The following PTPN2 variants were observed in gnomAD, a reference collection of about 807,000 sequenced individuals.
PTPN2 encodes the protein protein tyrosine phosphatase non-receptor type 2.
Under a neutral mutation model 57.3 loss-of-function variants are expected in PTPN2, and 19 were observed. That is an observed-to-expected ratio of 0.33 (90% confidence interval 0.23 to 0.49). The LOEUF is 0.49. Ranked by LOEUF, PTPN2 falls within the 20% of genes least tolerant of loss-of-function variation. PTPN2 has a pLI of 0.99. For synonymous variants in PTPN2, 153 were observed against 164.9 expected, an observed-to-expected ratio of 0.93 and a Z score of 0.55; for missense variants, 358 against 501.1, an observed-to-expected ratio of 0.71 and a Z score of 2.73.
rs1425876843 is a variant in PTPN2 at position 12,852,257 on chromosome 18, A to AT, written c.160+6906dup. Among the ~76,000 whole-genome samples, 12 of 148,854 alleles carry AT rather than the reference A, an allele frequency of 8.1e-5. No individual in the cohort carries two copies. In the Admixed American group the frequency reaches 8.2e-4, roughly 10 times the overall value. ...ATTGTTTCATGGCCAGTGAAAAGAC[A>AT]TGACAGTTGACTCAATTGCTGGCAC... On this transcript the variant is annotated intron_variant, in intron 2 of 8. Coordinates refer to ENST00000309660, the MANE Select transcript of PTPN2 (RefSeq NM_002828.4).
chr18:12,855,632 C>T (rs932616431), intron 2 of PTPN2, among the ~76,000 whole-genome samples: 7 of 152,070 alleles, frequency 4.6e-5, no homozygotes, highest in African/African-American at 7.2e-5. Context: ...ATAATTTACT[C>T]GGTGCAGAGC....
At chr18:12,790,789 C>A (rs537426846), downstream of PTPN2, among the ~76,000 whole-genome samples, 1 of 152,220 alleles carries the variant, frequency 6.6e-6, no homozygotes, top group Non-Finnish European at 1.5e-5. Flanking sequence ...CACAAGTGCA[C>A]ATTAGCTTAC....
At chr18:12,786,173 G>T in intron 9 of PTPN2, 1 of 332,594 alleles carries the variant, frequency 3.0e-6, no homozygotes, top group Non-Finnish European at 5.5e-6. Flanking sequence ...CAGACAGACA[G>T]GTTTTAAAAA....
At chr18:12,850,464 A>G (rs2043354918) in intron 2 of PTPN2, among the ~76,000 whole-genome samples, 2 of 152,048 alleles carry the variant, frequency 1.3e-5, no homozygotes. Context: ...ACTCCAGCCT[A>G]GGCAACAGAG....
At chr18:12,860,356 T>A (rs2043757152) in intron 1 of PTPN2, among the ~76,000 whole-genome samples, 1 of 151,740 alleles carries the variant, frequency 6.6e-6, no homozygotes, top group South Asian at 2.1e-4. Context: ...CCCAGCACTT[T>A]GGGAGGCCGA....
At position 12,793,963 on chromosome 18, in the gene PTPN2, G is replaced by A. The variant is rs911857096; in HGVS notation, c.*315C>T. ...GATAGCCTCCAAAAACAAATCCTGT[G>A]ATAAAGGATATCTCAATGTTGGTCA... On this transcript the variant is annotated 3_prime_UTR_variant, in exon 9 of 9. Coordinates refer to ENST00000309660, the MANE Select transcript of PTPN2 (RefSeq NM_002828.4). 1 of 1,179,556 alleles carries A rather than the reference G, an allele frequency of 8.5e-7. No homozygotes were observed. The highest frequency in any genetic ancestry group is 2.5e-5 in the South Asian group (1 of 39,784). 73.1% of individuals were successfully genotyped at this position (1,179,556 alleles called of 1,614,324 possible).
At position 12,820,068 on chromosome 18, in the gene PTPN2, C is replaced by T. The variant is rs554071956; in HGVS notation, c.496-2703G>A. Among the ~76,000 whole-genome samples the T allele has an allele frequency of 1.8e-4, 27 of 152,264 alleles. No individual in the cohort carries two copies. In the South Asian group the frequency reaches 2.3e-3, roughly 13 times the overall value. ...AGTCCTGGCTCAAACATATGGTTAC[C>T]CCACAATCTTGGGCAACAGCTTGCT... On this transcript the variant is annotated intron_variant, in intron 5 of 8. Coordinates refer to ENST00000309660, the MANE Select transcript of PTPN2 (RefSeq NM_002828.4).
At chr18:12,876,538 G>A (rs1263012999) in intron 1 of PTPN2, among the ~76,000 whole-genome samples, 2 of 152,120 alleles carry the variant, frequency 1.3e-5, no homozygotes, top group South Asian at 2.1e-4. Context: ...GGAGACAAAC[G>A]CAACTATCTG....
At chr18:12,811,910 G>A (rs2041903967) in intron 7 of PTPN2, among the ~76,000 whole-genome samples, 1 of 152,102 alleles carries the variant, frequency 6.6e-6, no homozygotes, top group Non-Finnish European at 1.5e-5. Context: ...CCCACACAAT[G>A]CCTAGAACCC....
chr18:12,854,180 G>A (rs186960555), intron 2 of PTPN2, among the ~76,000 whole-genome samples: 21 of 151,918 alleles, frequency 1.4e-4, no homozygotes, highest in Middle Eastern at 3.4e-3. Flanking sequence ...GCAACATGAC[G>A]AAACCCCATC....
chr18:12,860,861 C>A (rs367614326), intron 1 of PTPN2, among the ~76,000 whole-genome samples: 9 of 151,906 alleles, frequency 5.9e-5, no homozygotes, highest in African/African-American at 2.2e-4. Context: ...GTTTGATCTC[C>A]CAGGAAACAG....
chr18:12,822,578 A>C (rs537408852), intron 5 of PTPN2, among the ~76,000 whole-genome samples: 10 of 152,244 alleles, frequency 6.6e-5, no homozygotes, highest in African/African-American at 2.4e-4. Context: ...AGACTGGAGG[A>C]GGCGCAGGGC....
intron 1 of PTPN2, among the ~76,000 whole-genome samples, chr18:12,876,057 A>G (rs908372881): frequency 3.9e-5 from 6 of 152,270 alleles, no homozygotes; most frequent in Admixed American, 2.0e-4. Context: ...AACATAAAAA[A>G]TTAGCCAAGC....
rs1454757812 is a variant in PTPN2, at chr18:12,870,350, T to C, written c.70-11096A>G. ...ATATATGTATATATATACATATATA[T>C]GTGTATATATATGTGTATATATACA... On this transcript the variant is annotated intron_variant, in intron 1 of 8. Transcript: ENST00000309660. 1.7e-4 allele frequency among the ~76,000 whole-genome samples: 7 copies of C among 42,410 alleles called. 1 individual carries two copies. The highest frequency in any genetic ancestry group is 4.6e-4 in the Admixed American group (2 of 4,302). 27.8% of individuals were successfully genotyped at this position (42,410 alleles called of 152,430 possible). A position where few individuals can be genotyped will look rare whatever the true frequency, so the allele number is the denominator to read the frequency against.
At chr18:12,815,639 G>A (rs1420510670) in intron 6 of PTPN2, among the ~76,000 whole-genome samples, 2 of 152,134 alleles carry the variant, frequency 1.3e-5, no homozygotes, top group Non-Finnish European at 2.9e-5. Flanking sequence ...ATAATCACCA[G>A]AGTTTTAAAA....
intron 7 of PTPN2, among the ~76,000 whole-genome samples, chr18:12,809,667 C>T (rs568818569): frequency 6.6e-6 from 1 of 152,184 alleles, no homozygotes; most frequent in Non-Finnish European, 1.5e-5. Context: ...ACTTATTGCC[C>T]GAGGAGTCTA....
chr18:12,785,875 A>G (rs2040832943), intron 9 of PTPN2: 1 of 1,564,836 alleles, frequency 6.4e-7, no homozygotes, highest in African/African-American at 1.4e-5. Flanking sequence ...TCATCTATTC[A>G]ATTCATATTT....
intron 5 of PTPN2, among the ~76,000 whole-genome samples, chr18:12,824,974 T>C (rs1269433258): frequency 2.6e-5 from 4 of 152,102 alleles, no homozygotes; most frequent in African/African-American, 4.8e-5. Context: ...TAATCCCAGA[T>C]ACTCAGGAGG....
chr18:12,845,511 C>T (rs1310624573), intron 2 of PTPN2, among the ~76,000 whole-genome samples: 1 of 152,150 alleles, frequency 6.6e-6, no homozygotes, highest in African/African-American at 2.4e-5. Context: ...TACAGGAATA[C>T]AATTGGCTTC....
Sources: allele counts gnomAD v4.1 joint callset (sites outside exome capture counted in the v4.1 genomes callset), GRCh38; gene constraint gnomAD v4.1.1; transcripts MANE v1.5; gene names NCBI Gene and HGNC (gene_info 2026-07-23, HGNC 2026-07-21).